TONSL: variants seen among roughly 807,000 people sequenced by gnomAD.
TONSL encodes the protein tonsoku like, DNA repair protein, also known as tonsoku-like protein.
Under a neutral mutation model 147.1 loss-of-function variants are expected in TONSL, and 112 were observed. The ratio of observed to expected loss-of-function variants is 0.76; its 90% CI spans 0.65 to 0.89. The LOEUF is 0.89. Ranked by LOEUF, TONSL falls within the 40% of genes least tolerant of loss-of-function variation. TONSL has a pLI of 0.00. For missense variants in TONSL, 1,883 were observed against 1,864.6 expected (o/e 1.01, Z -0.18); for synonymous variants, 868 against 801.5 (o/e 1.08, Z -1.40).
At position 144,436,169 on chromosome 8, in the gene TONSL, G is replaced by A. The variant is rs765735687; in HGVS notation, c.2264C>T (p.Pro755Leu). The part of the protein sequence containing the change: ...EGEDSAGPAR[P>L]SQKRPRCSAT... Reference sequence around the variant, plus strand: ...CGAGCACCGAGGCCTCTTCTGGGACGGCCGTGCGGGGCCTGCGCTGTCCTC... The same window carrying A: ...CGAGCACCGAGGCCTCTTCTGGGACAGCCGTGCGGGGCCTGCGCTGTCCTC... Residue 755 changes from proline (P) to leucine (L), a missense_variant, in exon 17 of 26, where the codon CCG (proline) becomes CTG (leucine). Physicochemically the swap from Pro to Leu is moderately conservative, Grantham distance 98 (BLOSUM62 -3). Coordinates refer to ENST00000409379, the MANE Select transcript of TONSL (RefSeq NM_013432.5). 32 of 1,572,474 alleles carry A rather than the reference G, an allele frequency of 2.0e-5. No homozygotes were observed. The highest frequency in any genetic ancestry group is 2.5e-5 in the Non-Finnish European group (29 of 1,164,940).
At chr8:144,437,222 G>A in intron 13 of TONSL, 123 bp from the exon 14 acceptor site, 1 of 941,848 alleles carries the variant, frequency 1.1e-6, no homozygotes, top group South Asian at 1.5e-5. Flanking sequence ...CAAGTCCGTG[G>A]CCCTGCCCTC....
In TONSL at chr8:144,435,701, ACCCTGGGGGTGCTGGGGCT is replaced by A. The variant is rs1308736283; in HGVS notation, c.2713_2731del (p.Pro906GlnfsTer96). 6.2e-7 allele frequency: 1 copy of A among 1,610,952 alleles called. No homozygotes were observed. Among genetic ancestry groups the A allele is most frequent in the Non-Finnish European group, 8.5e-7 (1 of 1,178,572 alleles). On this transcript the variant is annotated frameshift_variant, in exon 17 of 26. Coordinates refer to ENST00000409379, the MANE Select transcript of TONSL (RefSeq NM_013432.5). LOFTEE classifies it high-confidence loss of function. ...AGAGCTGTCCCCACTGGGCTCTGAG[ACCCTGGGGGTGCTGGGGCT>A]CCCTGGAGGTTCTGAAGCCAGGCTG...
chr8:144,435,220 T>G, intron 18 of TONSL, 50 bp from the exon 19 acceptor site: 1 of 1,447,640 alleles, frequency 6.9e-7, no homozygotes, highest in Non-Finnish European at 9.1e-7. Context: ...GCCGGGGTAA[T>G]GCCCCAGGGA....
Position 144,438,769 on chromosome 8 carries a change from C to G in TONSL, c.1481-34G>C, listed in dbSNP as rs767379296. The G allele has an allele frequency of 1.9e-5, 31 of 1,606,178 alleles. No homozygotes were observed. The Admixed American group carries it at 5.1e-4, about 26-fold the overall frequency. On this transcript the variant is annotated intron_variant, in intron 11 of 25. Transcript: ENST00000409379. Reference sequence around the variant, plus strand: ...GAGCCAAGCCCACCCCAGGGGAGTCCGTGGGAGGTGAAGGTTAGCAGCCCC... The same window carrying G: ...GAGCCAAGCCCACCCCAGGGGAGTCGGTGGGAGGTGAAGGTTAGCAGCCCC...
rs560434146 is a variant in TONSL, at chr8:144,429,055, T to C, written c.*88A>G. ...CCGCCCGCCTGGGCCTCCCAAAGTGTTGGGATTACAGGCGTGAGCCACCGC... is the reference window on the plus strand; with the variant it reads ...CCGCCCGCCTGGGCCTCCCAAAGTGCTGGGATTACAGGCGTGAGCCACCGC... On this transcript the variant is annotated 3_prime_UTR_variant, in exon 26 of 26. Coordinates refer to ENST00000409379, the MANE Select transcript of TONSL (RefSeq NM_013432.5). 331 of 1,386,238 alleles carry C rather than the reference T, an allele frequency of 2.4e-4. No individual in the cohort carries two copies. The highest frequency in any genetic ancestry group is 6.6e-4 in the Admixed American group (23 of 34,974). The allele number at this position is 1,386,238 out of a possible 1,614,324, so 85.9% of individuals were successfully genotyped here.
At position 144,433,637 on chromosome 8, in the gene TONSL, G is replaced by T. The variant is rs1823312603; in HGVS notation, c.3510C>A (p.Gly1170=). ...TCTGGTGGCTCAGAAAGAAGCTGGG[G>T]CCGAAGCCACACGCCTGCAGGCGCA... The part of the protein sequence containing the change: ...STLRLQACGF[G]PSFFLSHQTA... The change falls in exon 22 of 26, where the codon GGC becomes GGA. Residue 1170 remains glycine, a synonymous_variant. Coordinates refer to ENST00000409379, the MANE Select transcript of TONSL (RefSeq NM_013432.5). The T allele has an allele frequency of 1.2e-6, 2 of 1,613,366 alleles. No individual in the cohort carries two copies. The highest frequency in any genetic ancestry group is 3.3e-5 in the Admixed American group (2 of 60,010).
At chr8:144,430,158 T>C (rs1325370616) in intron 25 of TONSL, among the ~76,000 whole-genome samples, 2 of 152,154 alleles carry the variant, frequency 1.3e-5, no homozygotes, top group East Asian at 3.8e-4. Flanking sequence ...TAGTCTGCTC[T>C]GAAGGTTGGG....
intron 9 of TONSL, 43 bp downstream of exon 9, chr8:144,440,675 G>C (rs1214131029): frequency 8.8e-6 from 14 of 1,592,254 alleles, no homozygotes; most frequent in South Asian, 1.1e-5. Flanking sequence ...CTGAGGCAGA[G>C]ACATGGGTGA....
intron 9 of TONSL, 58 bp downstream of exon 9, chr8:144,440,660 C>T (rs1586695073): frequency 1.3e-6 from 2 of 1,572,460 alleles, no homozygotes; most frequent in East Asian, 4.5e-5. Context: ...CTGAGAACGG[C>T]AGTCCTGAGG....
At chr8:144,442,925 T>C in intron 4 of TONSL, 119 bp from the exon 5 acceptor site, 1 of 1,381,026 alleles carries the variant, frequency 7.2e-7, no homozygotes, top group Non-Finnish European at 9.7e-7. Flanking sequence ...CCGAGGTGGG[T>C]GCAAGTGTCC....
At chr8:144,431,023 C>A in intron 24 of TONSL, 55 bp downstream of exon 24, 1 of 1,592,964 alleles carries the variant, frequency 6.3e-7, no homozygotes, top group Non-Finnish European at 8.6e-7. Flanking sequence ...CCCATAGGGT[C>A]CAGAGCCATG....
In TONSL at chr8:144,440,711, G is replaced by A. The variant is rs377413480; in HGVS notation, c.1164+7C>T. 398 of 1,610,910 alleles carry A rather than the reference G, an allele frequency of 2.5e-4. 1 individual carries two copies. Among genetic ancestry groups the A allele is most frequent in the Non-Finnish European group, 3.2e-4 (373 of 1,178,788 alleles). ...ACCTGCATTCGGGCGGGGAGCAAGG[G>A]TTTCACCTCCAGCACGTTGCCGCTG... is the stretch of plus-strand genomic sequence containing the variant. On this transcript the variant is annotated splice_region_variant and intron_variant, in intron 9 of 25. Transcript: ENST00000409379.
At chr8:144,443,374 G>A (rs923239206) in intron 3 of TONSL, 53 bp from the exon 4 acceptor site, 56 of 1,489,722 alleles carry the variant, frequency 3.8e-5, no homozygotes, top group Non-Finnish European at 4.9e-5. Context: ...CAAGCAAACC[G>A]GCACCGCCAG....
rs372003979 is a variant in TONSL, at chr8:144,436,727, C to T, written c.1890+30G>A. ...AGGGGCACAGCAGCCCCCATAACCT[C>T]GCCCTTGCCCTCTGCCCCACCAGGC... is the stretch of plus-strand genomic sequence containing the variant. On this transcript the variant is annotated intron_variant, in intron 15 of 25. Transcript: ENST00000409379. 2.0e-5 allele frequency: 32 copies of T among 1,610,096 alleles called. No individual in the cohort carries two copies. The African/African-American group carries it at 3.5e-4, about 17-fold the overall frequency.
At chr8:144,441,184 G>A in intron 7 of TONSL, 73 bp from the exon 8 acceptor site, 1 of 1,567,408 alleles carries the variant, frequency 6.4e-7, no homozygotes, top group Non-Finnish European at 8.6e-7. Context: ...TGCAAGCTGT[G>A]AGCCCTGTGG....
Position 144,440,814 on chromosome 8 carries a change from C to T in TONSL, c.1068G>A (p.Val356=), listed in dbSNP as rs1823687687. 3.1e-6 allele frequency: 5 copies of T among 1,612,810 alleles called. No homozygotes were observed. In the African/African-American group the frequency reaches 5.3e-5, roughly 17 times the overall value. ...TGTCTCCCAGTGTGGTGGCCAGGGA[C>T]ACGTGGATGATGGCCCGCTCAGCAC... ...RPGAERAIIH[V]SLATTLGDMK... Residue 356 remains valine, a synonymous_variant, in exon 9 of 26, where the codon GTG becomes GTA. Transcript: ENST00000409379.
chr8:144,443,575 T>C (rs1586698412), intron 3 of TONSL, among the ~76,000 whole-genome samples: 1 of 152,170 alleles, frequency 6.6e-6, no homozygotes, highest in Non-Finnish European at 1.5e-5. Context: ...GGGGTTGCAG[T>C]CCTGCCTCCA....
Position 144,436,396 on chromosome 8 carries a change from G to A in TONSL, c.2037C>T (p.Phe679=). ...SGQDPHSSQA[F]HTPSSLLFDP... is the part of the protein sequence containing the mutation. ...CAAACAGAAGGCTGCTTGGGGTGTG[G>A]AAGGCCTGGGAGCTGTGGGGATCTG... The change falls in exon 17 of 26, where the codon TTC becomes TTT. Residue 679 remains phenylalanine, a synonymous_variant. Coordinates refer to ENST00000409379, the MANE Select transcript of TONSL (RefSeq NM_013432.5). 6.6e-7 allele frequency: 1 copy of A among 1,506,276 alleles called. No individual in the cohort carries two copies. The highest frequency in any genetic ancestry group is 8.8e-7 in the Non-Finnish European group (1 of 1,134,030). 93.3% of individuals were successfully genotyped at this position (1,506,276 alleles called of 1,614,324 possible).
chr8:144,442,090 A>C lies in TONSL; in HGVS notation c.812T>G (p.Leu271Arg). 1 of 1,612,836 alleles carries C rather than the reference A, an allele frequency of 6.2e-7. No individual in the cohort carries two copies. The highest frequency in any genetic ancestry group is 1.3e-5 in the African/African-American group (1 of 75,054). Residue 271 changes from leucine (L) to arginine (R), a missense_variant, in exon 7 of 26, where the codon CTG (leucine) becomes CGG (arginine). Physicochemically the swap from Leu to Arg is moderately radical, Grantham distance 102. Transcript: ENST00000409379. ...CCTCTGCACAGGCTTCTGGGAGCCC[A>C]GCCTGTAGGCCTTCTTCAGGGCTCG... The part of the protein sequence containing the change: ...AKRALKKAYR[L>R]GSQKPVQRAA...
Sources: allele counts gnomAD v4.1 joint callset (sites outside exome capture counted in the v4.1 genomes callset), GRCh38; gene constraint gnomAD v4.1.1; transcripts MANE v1.5; gene names NCBI Gene and HGNC (gene_info 2026-07-23, HGNC 2026-07-21).